The following DPP10 variants were observed in gnomAD, a reference collection of about 807,000 sequenced individuals.
The protein encoded by DPP10 is inactive dipeptidyl peptidase 10.
A neutral mutation model predicts 120.9 loss-of-function variants in DPP10; 33 were observed. The ratio of observed to expected loss-of-function variants is 0.27; its 90% CI spans 0.21 to 0.37. DPP10 has a LOEUF of 0.37. DPP10 is among the 10% of genes least tolerant of loss of function. The pLI is 1.00. For missense variants in DPP10, 816 were observed against 942.8 expected (o/e 0.87, Z 1.76); for synonymous variants, 337 against 326.1 (o/e 1.03, Z -0.36).
intron 1 of DPP10, among the ~76,000 whole-genome samples, chr2:115,137,006 T>C (rs943153199): frequency 6.6e-6 from 1 of 152,210 alleles, no homozygotes; most frequent in Non-Finnish European, 1.5e-5. Context: ...TTTGTGGCTA[T>C]TCCCTTGAAT....
chr2:115,842,541 C>T lies in DPP10; in HGVS notation c.*196C>T, dbSNP rs1265380421. Reference sequence around the variant, plus strand: ...ACTGTGTTGCTAGGGGTGCAGAACCCGTTTCTTTGTATGAGAGAGGTCAAA... The same window carrying T: ...ACTGTGTTGCTAGGGGTGCAGAACCTGTTTCTTTGTATGAGAGAGGTCAAA... On this transcript the variant is annotated 3_prime_UTR_variant, in exon 26 of 26. Coordinates refer to ENST00000410059, the MANE Select transcript of DPP10 (RefSeq NM_020868.6). The T allele has an allele frequency of 9.6e-6, 5 of 521,786 alleles. No homozygotes were observed. Among genetic ancestry groups the T allele is most frequent in the East Asian group, 3.4e-5 (1 of 29,024 alleles). 32.3% of individuals were successfully genotyped at this position (521,786 alleles called of 1,614,324 possible).
chr2:115,274,264 G>A (rs1224698239), intron 1 of DPP10, among the ~76,000 whole-genome samples: 1 of 152,146 alleles, frequency 6.6e-6, no homozygotes, highest in African/African-American at 2.4e-5. Context: ...ATCATTAAAA[G>A]TGAATTGAAA....
intron 1 of DPP10, among the ~76,000 whole-genome samples, chr2:115,031,149 C>G (rs1386486385): frequency 8.0e-6 from 1 of 124,638 alleles, no homozygotes; most frequent in African/African-American, 3.2e-5. Flanking sequence ...CAATATGCCT[C>G]ATAATTTTTT....
At chr2:115,468,524 C>T in intron 3 of DPP10, 1 of 433,266 alleles carries the variant, frequency 2.3e-6, no homozygotes, top group Non-Finnish European at 4.5e-6. Context: ...GCTATGTGGA[C>T]ATTGCCATCC....
At chr2:115,712,014 A>AT (rs1375623082) in intron 7 of DPP10, among the ~76,000 whole-genome samples, 9 of 146,682 alleles carry the variant, frequency 6.1e-5, no homozygotes, top group South Asian at 4.3e-4. Context: ...GTAGAAGACA[A>AT]TTTTTTCCAT....
chr2:114,734,289 A>C (rs1677208359), intron 1 of DPP10, among the ~76,000 whole-genome samples: 1 of 152,120 alleles, frequency 6.6e-6, no homozygotes, highest in South Asian at 2.1e-4. Context: ...AATATTTTGC[A>C]ACCTGCTCTC....
intron 1 of DPP10, among the ~76,000 whole-genome samples, chr2:114,600,816 T>G (rs1450337770): frequency 2.0e-5 from 3 of 151,926 alleles, no homozygotes; most frequent in Non-Finnish European, 2.9e-5. Context: ...GGATTTGAAC[T>G]GTTTTATCTC....
At chr2:114,814,013 CTG>C (rs930452341) in intron 1 of DPP10, among the ~76,000 whole-genome samples, 1 of 151,194 alleles carries the variant, frequency 6.6e-6, no homozygotes, top group African/African-American at 2.4e-5. Flanking sequence ...AGCTCAATAA[CTG>C]TTTTAAAACT....
At chr2:114,892,487 A>G (rs1033201508) in intron 1 of DPP10, among the ~76,000 whole-genome samples, 8 of 152,232 alleles carry the variant, frequency 5.3e-5, no homozygotes, top group African/African-American at 1.4e-4. Flanking sequence ...TAAATAATCT[A>G]TGATCCAGCT....
chr2:115,707,244 C>A lies in DPP10; in HGVS notation c.576+17323C>A, dbSNP rs1369565600. 4.0e-5 allele frequency among the ~76,000 whole-genome samples: 6 copies of A among 151,782 alleles called. No homozygotes were observed. In the East Asian group the frequency reaches 7.7e-4, roughly 20 times the overall value. On this transcript the variant is annotated intron_variant, in intron 7 of 25. Transcript: ENST00000410059. ...TAAAAGGTTTGATTAACACTATCAA[C>A]CAAATTGACATAATCGACTTTTATA...
At position 115,223,470 on chromosome 2, in the gene DPP10, T is replaced by C. The variant is rs541955585; in HGVS notation, c.61-85769T>C. Among the ~76,000 whole-genome samples the C allele has an allele frequency of 2.6e-5, 4 of 152,234 alleles. No homozygotes were observed. In the East Asian group the frequency reaches 7.7e-4, roughly 29 times the overall value. ...TTAACTAGTAGTTCTAGGTACATAC[T>C]GTAAAGTATATATAGGAAACTAAAA... On this transcript the variant is annotated intron_variant, in intron 1 of 25. Coordinates refer to ENST00000410059, the MANE Select transcript of DPP10 (RefSeq NM_020868.6).
intron 14 of DPP10, 109 bp from the exon 15 acceptor site, chr2:115,777,678 G>A (rs1218683063): frequency 1.7e-6 from 2 of 1,143,378 alleles, no homozygotes; most frequent in Non-Finnish European, 1.3e-6. Context: ...GAAAATTCAG[G>A]TGAAGATTCA....
intron 19 of DPP10, among the ~76,000 whole-genome samples, chr2:115,796,292 G>T (rs1296398296): frequency 6.6e-6 from 1 of 152,000 alleles, no homozygotes; most frequent in African/African-American, 2.4e-5. Flanking sequence ...TATGCACACC[G>T]CTATTACAAA....
At chr2:114,788,443 G>C (rs1682954725) in intron 1 of DPP10, among the ~76,000 whole-genome samples, 1 of 149,982 alleles carries the variant, frequency 6.7e-6, no homozygotes, top group Non-Finnish European at 1.5e-5. Flanking sequence ...TTGAGACGGA[G>C]TCTCACTCTG....
At chr2:114,507,898 G>C (rs541813008) in intron 1 of DPP10, among the ~76,000 whole-genome samples, 1 of 152,190 alleles carries the variant, frequency 6.6e-6, no homozygotes, top group Non-Finnish European at 1.5e-5. Flanking sequence ...TTTTATTAGT[G>C]GTAATCATGT....
chr2:115,627,585 G>A (rs1255047162), intron 5 of DPP10, among the ~76,000 whole-genome samples: 1 of 152,114 alleles, frequency 6.6e-6, no homozygotes, highest in East Asian at 1.9e-4. Flanking sequence ...TGTTACATAG[G>A]TAAACGTGTG....
intron 1 of DPP10, among the ~76,000 whole-genome samples, chr2:114,831,733 A>C (rs1415492183): frequency 6.6e-6 from 1 of 152,074 alleles, no homozygotes; most frequent in African/African-American, 2.4e-5. Context: ...TGCAGAGTAC[A>C]ATTTAACTGA....
Position 115,844,418 on chromosome 2 carries a change from AT to A in DPP10, c.*2074del, listed in dbSNP as rs1203885091. 6.6e-6 allele frequency: 1 copy of A among 152,542 alleles called. No individual in the cohort carries two copies. Among genetic ancestry groups the A allele is most frequent in the Admixed American group, 6.6e-5 (1 of 15,264 alleles). The allele number at this position is 152,542 out of a possible 1,614,324, so 9.4% of individuals were successfully genotyped here. A position where few individuals can be genotyped will look rare whatever the true frequency, so the allele number is the denominator to read the frequency against. Reference sequence around the variant, plus strand: ...GTTTATCTATTTTTCAATTAATTTAATACAGTTTCTAATGTGAAAGACATTT... The same window carrying A: ...GTTTATCTATTTTTCAATTAATTTAAACAGTTTCTAATGTGAAAGACATTT... On this transcript the variant is annotated 3_prime_UTR_variant, in exon 26 of 26. Transcript: ENST00000410059.
At chr2:115,126,335 C>G (rs2050083038) in intron 1 of DPP10, among the ~76,000 whole-genome samples, 1 of 152,092 alleles carries the variant, frequency 6.6e-6, no homozygotes, top group Non-Finnish European at 1.5e-5. Context: ...CCCCTAGGCT[C>G]AAGCAATCCA....
Sources: gnomAD v4.1 joint callset for allele counts (sites outside exome capture counted in the v4.1 genomes callset) on GRCh38, gnomAD v4.1.1 for gene constraint, MANE v1.5 for transcripts, NCBI Gene and HGNC (gene_info 2026-07-23, HGNC 2026-07-21) for gene names.